Variants in GRM7 observed in about 807,000 individuals in gnomAD.
GRM7 encodes the protein metabotropic glutamate receptor 7.
Under a neutral mutation model 84.5 loss-of-function variants are expected in GRM7, and 35 were observed. That is an observed-to-expected ratio of 0.41 (90% CI 0.32 to 0.55). The LOEUF is 0.55. Ranked by LOEUF, GRM7 falls within the 20% of genes least tolerant of loss-of-function variation. The probability of loss-of-function intolerance (pLI) is 0.19; values close to 1 mark genes in which losing one functional copy is unlikely to be tolerated. For synonymous variants in GRM7, 487 were observed against 455.1 expected, an observed-to-expected ratio of 1.07 and a Z score of -0.89; for missense variants, 1,003 against 1,194.6, an observed-to-expected ratio of 0.84 and a Z score of 2.36.
chr3:7,328,090 A>G (rs1174095547), intron 4 of GRM7, among the ~76,000 whole-genome samples: 1 of 152,172 alleles, frequency 6.6e-6, no homozygotes, highest in East Asian at 1.9e-4. Context: ...TCCCACTGCA[A>G]AACCAACTAT....
chr3:6,901,401 C>T (rs1015177795), intron 1 of GRM7, among the ~76,000 whole-genome samples: 19 of 151,830 alleles, frequency 1.3e-4, no homozygotes, highest in African/African-American at 2.4e-4. Context: ...AGATCAAGAC[C>T]GTCCTGGCCA....
chr3:7,667,168 T>G (rs1699735464), intron 8 of GRM7, among the ~76,000 whole-genome samples: 1 of 151,764 alleles, frequency 6.6e-6, no homozygotes, highest in Admixed American at 6.6e-5. Flanking sequence ...CTTGGGAGGC[T>G]GAGACAAGAG....
intron 4 of GRM7, among the ~76,000 whole-genome samples, chr3:7,376,196 G>T (rs972963146): frequency 6.6e-6 from 1 of 152,094 alleles, no homozygotes; most frequent in Admixed American, 6.6e-5. Context: ...TACACCCATG[G>T]TTCTCGCTGA....
At position 6,965,976 on chromosome 3, in the gene GRM7, A is replaced by T. The variant is rs117226229; in HGVS notation, c.519+104069A>T. 9.4e-4 allele frequency among the ~76,000 whole-genome samples: 143 copies of T among 152,216 alleles called. 3 individuals are homozygous for T. The East Asian group carries it at 0.024, about 26-fold the overall frequency. ...GGTGTTTTGGTCATCCCTGTCACCA[A>T]CACCCTATCCTTTGTGCCAAGGTGA... is the stretch of plus-strand genomic sequence containing the variant. On this transcript the variant is annotated intron_variant, in intron 1 of 9. Transcript: ENST00000357716.
chr3:7,455,602 A>G (rs1319576062), intron 6 of GRM7, among the ~76,000 whole-genome samples: 1 of 152,210 alleles, frequency 6.6e-6, no homozygotes, highest in Non-Finnish European at 1.5e-5. Context: ...AACAAATCCA[A>G]ATTAAAAGAT....
At chr3:7,464,689 A>G (rs1319461152) in intron 7 of GRM7, among the ~76,000 whole-genome samples, 1 of 151,896 alleles carries the variant, frequency 6.6e-6, no homozygotes, top group Non-Finnish European at 1.5e-5. Context: ...TTAGCCGGGC[A>G]TGGTGGCGGG....
At chr3:7,169,022 T>C (rs899419005) in intron 2 of GRM7, among the ~76,000 whole-genome samples, 5 of 152,220 alleles carry the variant, frequency 3.3e-5, no homozygotes, top group African/African-American at 1.2e-4. Flanking sequence ...TTAGAAACTT[T>C]ATAAACTGTT....
At chr3:7,170,690 G>T (rs909143475) in intron 2 of GRM7, among the ~76,000 whole-genome samples, 11 of 152,190 alleles carry the variant, frequency 7.2e-5, no homozygotes, top group South Asian at 4.1e-4. Context: ...TGCAGGAGAT[G>T]TGTCCATTGC....
intron 9 of GRM7, among the ~76,000 whole-genome samples, chr3:7,707,930 A>ATTTTTTTTTTTTTTTTTTTTT (rs34344224): frequency 8.1e-6 from 1 of 123,688 alleles, no homozygotes; most frequent in African/African-American, 3.0e-5. Flanking sequence ...GAAGCTTTCA[A>ATTTTTTTTTTTTTTTTTTTTT]TTTTTTTTTT....
intron 2 of GRM7, among the ~76,000 whole-genome samples, chr3:7,166,926 T>C (rs1694818219): frequency 6.6e-6 from 1 of 152,220 alleles, no homozygotes; most frequent in African/African-American, 2.4e-5. Flanking sequence ...TTGTAAATCA[T>C]GACAACCTTT....
intron 1 of GRM7, among the ~76,000 whole-genome samples, chr3:7,058,030 G>T (rs943291757): frequency 2.0e-5 from 3 of 151,830 alleles, no homozygotes; most frequent in African/African-American, 7.2e-5. Context: ...AAATTTCCTG[G>T]AGCTATTTTT....
At chr3:7,699,374 T>C (rs1384891327) in intron 9 of GRM7, among the ~76,000 whole-genome samples, 2 of 152,202 alleles carry the variant, frequency 1.3e-5, no homozygotes, top group East Asian at 3.9e-4. Context: ...GTATTCTTCC[T>C]TCAACTCTCT....
chr3:7,561,704 A>G, intron 7 of GRM7: 1 of 355,288 alleles, frequency 2.8e-6, no homozygotes, highest in South Asian at 2.2e-5. Flanking sequence ...TAACTTCTCA[A>G]TGCAAAAAAA....
At chr3:7,165,182 C>G (rs961114121) in intron 2 of GRM7, among the ~76,000 whole-genome samples, 1 of 152,186 alleles carries the variant, frequency 6.6e-6, no homozygotes, top group Non-Finnish European at 1.5e-5. Flanking sequence ...CCTCACCATC[C>G]GCAACTCTGT....
At chr3:7,551,086 C>A (rs919992515) in intron 7 of GRM7, among the ~76,000 whole-genome samples, 11 of 152,090 alleles carry the variant, frequency 7.2e-5, no homozygotes, top group African/African-American at 2.2e-4. Context: ...TTTCAAATTT[C>A]TGCATGTCTT....
chr3:7,606,679 G>A lies in GRM7; in HGVS notation c.2451+27322G>A, dbSNP rs988810251. Among the ~76,000 whole-genome samples the A allele has an allele frequency of 7.2e-5, 11 of 151,938 alleles. No homozygotes were observed. The East Asian group carries it at 9.7e-4, about 13-fold the overall frequency. On this transcript the variant is annotated intron_variant, in intron 8 of 9. Transcript: ENST00000357716. ...CTCCTGAGTAGCTGGGATCACAGGC[G>A]TGCACAACCACACCTAGCTAATTTT...
intron 1 of GRM7, among the ~76,000 whole-genome samples, chr3:6,936,273 C>T (rs754369194): frequency 1.3e-4 from 20 of 152,216 alleles, no homozygotes; most frequent in Non-Finnish European, 2.9e-4. Flanking sequence ...TCAAGAGGTT[C>T]TGTAATAGAG....
chr3:7,343,727 T>A (rs1263681364), intron 4 of GRM7, among the ~76,000 whole-genome samples: 2 of 152,182 alleles, frequency 1.3e-5, no homozygotes, highest in Non-Finnish European at 1.5e-5. Flanking sequence ...AAGCTTTGAA[T>A]TAATTGTGTT....
At chr3:6,892,665 C>T (rs1696009949) in intron 1 of GRM7, 1 of 152,040 alleles carries the variant, frequency 6.6e-6, no homozygotes, top group African/African-American at 2.4e-5. Context: ...TTGTAGCTGC[C>T]CGTTTTACAT....
Sources: gnomAD v4.1 joint callset for allele counts (sites outside exome capture counted in the v4.1 genomes callset) on GRCh38, gnomAD v4.1.1 for gene constraint, MANE v1.5 for transcripts, NCBI Gene and HGNC (gene_info 2026-07-23, HGNC 2026-07-21) for gene names.